The following PLCH2 variants were observed in gnomAD, a reference collection of about 807,000 sequenced individuals.
PLCH2 encodes the protein 1-phosphatidylinositol 4,5-bisphosphate phosphodiesterase eta-2.
PLCH2 carries 98 observed loss-of-function variants against 134.7 expected under a neutral mutation model. The ratio of observed to expected loss-of-function variants is 0.73; its 90% CI spans 0.62 to 0.86. The LOEUF (loss-of-function observed/expected upper bound fraction) is 0.86. PLCH2 is among the 40% of genes least tolerant of loss of function. The pLI is 0.00. For missense variants in PLCH2, 1,994 were observed against 1,986.6 expected, an observed-to-expected ratio of 1.00 and a Z score of -0.07; for synonymous variants, 974 against 827.5, an observed-to-expected ratio of 1.18 and a Z score of -3.04.
chr1:2,484,310 C>T (rs1004824643), intron 4 of PLCH2, 138 bp from the exon 5 acceptor site: 30 of 799,572 alleles, frequency 3.8e-5, no homozygotes, highest in Non-Finnish European at 5.5e-5. Context: ...TGATTGGAGG[C>T]CGTGACAAGG....
chr1:2,428,594 T>C (rs760017605), intron 1 of PLCH2, among the ~76,000 whole-genome samples: 1 of 152,258 alleles, frequency 6.6e-6, no homozygotes, highest in Non-Finnish European at 1.5e-5. Context: ...CGTTGTTGCC[T>C]AATTAGGTTG....
chr1:2,434,060 C>A (rs373100393), intron 2 of PLCH2, among the ~76,000 whole-genome samples: 2 of 152,240 alleles, frequency 1.3e-5, no homozygotes, highest in African/African-American at 4.8e-5. Context: ...ATCGCGCGTC[C>A]GGCTTCGTGG....
intron 5 of PLCH2, among the ~76,000 whole-genome samples, chr1:2,486,397 C>T (rs560941222): frequency 6.6e-6 from 1 of 152,308 alleles, no homozygotes; most frequent in East Asian, 1.9e-4. Context: ...AGCTCCTGGC[C>T]CAGCTGCACC....
chr1:2,494,916 C>G lies in PLCH2; in HGVS notation c.1720C>G (p.Arg574Gly), dbSNP rs373659230. Reference sequence around the variant, plus strand: ...TGCCGGGGCCAGCAGACGCAATGGCCGCCTCGTCGTGGGAAGCTTCTCCAG... The same window carrying G: ...TGCCGGGGCCAGCAGACGCAATGGCGGCCTCGTCGTGGGAAGCTTCTCCAG... ...EDAGASRRNG[R>G]LVVGSFSRRK... The change falls in exon 12 of 22, where the codon CGC (arginine) becomes GGC (glycine). Residue 574 changes from arginine to glycine, a missense_variant. Arg to Gly is a moderately radical substitution (Grantham distance 125). Around this residue, in one of 2 missense-constraint regions of PLCH2, gnomAD observed 1,094 missense variants for 1,234.3 expected, o/e 0.89. Coordinates refer to ENST00000378486, the MANE Select transcript of PLCH2 (RefSeq NM_014638.4). 1.9e-6 allele frequency: 3 copies of G among 1,602,488 alleles called. No individual in the cohort carries two copies. Among genetic ancestry groups the G allele is most frequent in the Non-Finnish European group, 2.6e-6 (3 of 1,176,150 alleles).
upstream of PLCH2, among the ~76,000 whole-genome samples, chr1:2,465,411 TC>T (rs1478058005): frequency 1.6e-4 from 25 of 152,286 alleles, no homozygotes; most frequent in African/African-American, 4.8e-4. Flanking sequence ...GGTCTGGTCC[TC>T]CCAGCTGTGC....
upstream of PLCH2, among the ~76,000 whole-genome samples, chr1:2,465,606 C>T (rs781266747): frequency 6.6e-6 from 1 of 152,208 alleles, no homozygotes; most frequent in African/African-American, 2.4e-5. Flanking sequence ...TGCCACCCGC[C>T]GGGCCAAATG....
rs1188541355 is a variant in PLCH2 at position 2,489,822 on chromosome 1, C to T, written c.1470C>T (p.Asp490=). 1 of 1,613,724 alleles carries T rather than the reference C, an allele frequency of 6.2e-7. No individual in the cohort carries two copies. The highest frequency in any genetic ancestry group is 8.5e-7 in the Non-Finnish European group (1 of 1,179,800). The change falls in exon 10 of 22, where the codon GAC becomes GAT. Residue 490 remains aspartate (D), a synonymous_variant. Coordinates refer to ENST00000378486, the MANE Select transcript of PLCH2 (RefSeq NM_014638.4). The stretch of plus-strand genomic sequence containing the variant: ...AGGAAGGCGAGGTGTCTGATGAGGA[C>T]AGTGCTGATGAGATTGACGATGACT... ...DAEEGEVSDE[D]SADEIDDDCK... is the part of the protein sequence containing the mutation.
chr1:2,417,664 G>C, the PLCH2 span, among the ~76,000 whole-genome samples: 4 of 152,200 alleles, frequency 2.6e-5, no homozygotes, highest in South Asian at 6.2e-4. Context: ...GTGGCCAGCC[G>C]GTGAGGGGCT....
chr1:2,465,289 C>T (rs965535921), upstream of PLCH2, among the ~76,000 whole-genome samples: 4 of 152,302 alleles, frequency 2.6e-5, no homozygotes, highest in Middle Eastern at 3.4e-3. Context: ...CTCTCAGACC[C>T]GGAAGGCAAG....
upstream of PLCH2, among the ~76,000 whole-genome samples, chr1:2,473,036 C>T (rs780243961): frequency 1.8e-4 from 28 of 152,120 alleles, no homozygotes; most frequent in Non-Finnish European, 2.8e-4. Flanking sequence ...ATGACAGCCG[C>T]GAGGCCCATG....
chr1:2,475,337 C>T (rs1475222708), upstream of PLCH2, among the ~76,000 whole-genome samples: 1 of 152,328 alleles, frequency 6.6e-6, no homozygotes, highest in East Asian at 1.9e-4. Flanking sequence ...AGAGCCTGGG[C>T]AGTGGGTGGG....
chr1:2,496,955 T>C lies in PLCH2; in HGVS notation c.2061T>C (p.Arg687=), dbSNP rs780181831. The change falls in exon 15 of 22, where the codon CGT becomes CGC. Residue 687 remains arginine (R), a synonymous_variant. Transcript: ENST00000378486. ...CCCGCATCTACCCCTCCTCCTACCG[T>C]GTGGACTCCAGCAACTACAACCCGC... ...QLSRIYPSSY[R]VDSSNYNPQP... is the part of the protein sequence containing the mutation. 2.5e-6 allele frequency: 4 copies of C among 1,613,310 alleles called. No homozygotes were observed. The Admixed American group carries it at 6.7e-5, about 27-fold the overall frequency.
intron 13 of PLCH2, 128 bp downstream of exon 13, chr1:2,495,698 T>C (rs1039208497): frequency 1.6e-6 from 1 of 634,146 alleles, no homozygotes; most frequent in Non-Finnish European, 2.7e-6. Context: ...TCTTGGCCCC[T>C]GGAAGCAGTG....
chr1:2,417,886 G>T, the PLCH2 span, among the ~76,000 whole-genome samples: 1 of 152,208 alleles, frequency 6.6e-6, no homozygotes, highest in East Asian at 1.9e-4. Flanking sequence ...TCAAGTGGGG[G>T]AATAGAGGCC....
rs1640021886 is a variant in PLCH2 at position 2,448,051 on chromosome 1, T to C, written c.115+17422T>C. Reference sequence around the variant, plus strand: ...TGGTGCCCCTGGCTGCTGTGGTCCTTTTTCCCTGGTCGTGGCCTCCAGGCA... The same window carrying C: ...TGGTGCCCCTGGCTGCTGTGGTCCTCTTTCCCTGGTCGTGGCCTCCAGGCA... On this transcript the variant is annotated intron_variant, in intron 2 of 3. Transcript: ENST00000609981. This position sits in a 1 kb window ranked among gnomAD's most constrained non-coding sequence, Gnocchi z 4.0. Among the ~76,000 whole-genome samples, 3 of 152,066 alleles carry C rather than the reference T, an allele frequency of 2.0e-5. No homozygotes were observed. The highest frequency in any genetic ancestry group is 4.4e-5 in the Non-Finnish European group (3 of 67,988).
In PLCH2 at chr1:2,434,215, GCCGCGCCTGGGCAGGGGGCA is replaced by G. The variant is rs1639214642; in HGVS notation, c.115+3595_115+3614del. On this transcript the variant is annotated intron_variant, in intron 2 of 3. Transcript: ENST00000609981. ...CTGGGTGTGCCAGGGGCCGGCGGGG[GCCGCGCCTGGGCAGGGGGCA>G]CCGCGCCTTCCCCAGGTCAGTCCCT... Among the ~76,000 whole-genome samples, 8 of 152,362 alleles carry G rather than the reference GCCGCGCCTGGGCAGGGGGCA, an allele frequency of 5.3e-5. 2 individuals are homozygous for G. The South Asian group carries it at 8.3e-4, about 16-fold the overall frequency.
upstream of PLCH2, among the ~76,000 whole-genome samples, chr1:2,463,952 G>A (rs2477688): frequency 4.7e-3 from 721 of 152,368 alleles, 13 homozygotes; most frequent in African/African-American, 0.016. Flanking sequence ...TCCTGAGCTG[G>A]CCGGAGCACT....
chr1:2,436,042 CTTCCTCTCTCCT>C (rs1383075660), intron 2 of PLCH2, among the ~76,000 whole-genome samples: 363 of 105,414 alleles, frequency 3.4e-3, no homozygotes, highest in Middle Eastern at 4.9e-3. Flanking sequence ...CCCCTCCTCC[CTTCCTCTCTCCT>C]TCCTCCCCTC....
At chr1:2,431,609 T>G (rs998461692) in intron 2 of PLCH2, among the ~76,000 whole-genome samples, 4 of 152,168 alleles carry the variant, frequency 2.6e-5, no homozygotes, top group African/African-American at 4.8e-5. Flanking sequence ...AGCTTCCAAC[T>G]CTGGCAGGGC....
Sources: gnomAD v4.1 joint callset for allele counts (sites outside exome capture counted in the v4.1 genomes callset) on GRCh38, gnomAD v4.1.1 for gene constraint, gnomAD v4.1.1 regional missense constraint, Gnocchi (gnomAD v3.1) non-coding constraint, MANE v1.5 for transcripts, NCBI Gene and HGNC (gene_info 2026-07-23, HGNC 2026-07-21) for gene names.